Variants in DAAM1 observed in about 807,000 individuals in gnomAD.
DAAM1 encodes the protein disheveled-associated activator of morphogenesis 1.
Under a neutral mutation model 130.0 loss-of-function variants are expected in DAAM1, and 52 were observed. The observed-to-expected ratio is 0.40, with a 90% CI of 0.32 to 0.50. DAAM1 has a LOEUF of 0.50. DAAM1 is among the 20% of genes least tolerant of loss of function. The pLI is 0.61. For missense variants in DAAM1, 1,134 were observed against 1,303.8 expected (o/e 0.87, Z 2.01); for synonymous variants, 452 against 444.5 (o/e 1.02, Z -0.21).
chr14:59,228,512 T>G (rs1019055643), intron 1 of DAAM1, among the ~76,000 whole-genome samples: 1 of 152,252 alleles, frequency 6.6e-6, no homozygotes, highest in African/African-American at 2.4e-5. Flanking sequence ...GAAATTCACT[T>G]AACTCCAACT....
chr14:59,317,666 G>A (rs72726372), intron 4 of DAAM1, among the ~76,000 whole-genome samples: 2,931 of 152,222 alleles, frequency 0.019, 49 homozygotes, highest in Non-Finnish European at 0.029. Flanking sequence ...TGTTGTTTGC[G>A]GTCCCACCAG....
At chr14:59,233,367 A>G (rs889359367) in intron 1 of DAAM1, among the ~76,000 whole-genome samples, 3 of 152,052 alleles carry the variant, frequency 2.0e-5, no homozygotes, top group Admixed American at 2.0e-4. Flanking sequence ...TGTGGGTTTG[A>G]TTTGCATTTC....
At chr14:59,220,296 A>G (rs1888729582) in intron 1 of DAAM1, among the ~76,000 whole-genome samples, 1 of 152,210 alleles carries the variant, frequency 6.6e-6, no homozygotes, top group South Asian at 2.1e-4. Context: ...TTTGTTACCT[A>G]TACTTAACCT....
In DAAM1 at chr14:59,256,452, A is replaced by T. The variant is rs76186053; in HGVS notation, c.-37-6989A>T. On this transcript the variant is annotated intron_variant, in intron 1 of 24. Transcript: ENST00000360909. Reference sequence around the variant, plus strand: ...GGATTGGATTTCTTACTCTTTGCTAAGGAAAATGCACCTGCTCCAGAATCT... The same window carrying T: ...GGATTGGATTTCTTACTCTTTGCTATGGAAAATGCACCTGCTCCAGAATCT... 3.9e-3 allele frequency among the ~76,000 whole-genome samples: 597 copies of T among 152,302 alleles called. 5 individuals are homozygous for T. Among genetic ancestry groups the T allele is most frequent in the Non-Finnish European group, 5.0e-3 (340 of 68,008 alleles).
At chr14:59,274,103 T>G (rs1882845941) in intron 2 of DAAM1, among the ~76,000 whole-genome samples, 1 of 152,198 alleles carries the variant, frequency 6.6e-6, no homozygotes, top group South Asian at 2.1e-4. Context: ...TTCGGGCTTA[T>G]GGGTGAAGAG....
intron 1 of DAAM1, among the ~76,000 whole-genome samples, chr14:59,212,135 T>C (rs754749618): frequency 6.6e-6 from 1 of 152,210 alleles, no homozygotes; most frequent in African/African-American, 2.4e-5. Context: ...CATCATTAAT[T>C]TTTACCATGA....
At chr14:59,325,138 C>T (rs1294861191) in intron 8 of DAAM1, among the ~76,000 whole-genome samples, 1 of 152,180 alleles carries the variant, frequency 6.6e-6, no homozygotes, top group Non-Finnish European at 1.5e-5. Context: ...GGAGAGAGAC[C>T]TGTTCTAACC....
chr14:59,290,138 A>G (rs530005429), intron 2 of DAAM1, among the ~76,000 whole-genome samples: 3 of 152,144 alleles, frequency 2.0e-5, no homozygotes, highest in South Asian at 2.1e-4. Flanking sequence ...GTAAAAGTAG[A>G]AAAAAAATAA....
rs191824888 is a variant in DAAM1 at position 59,310,393 on chromosome 14, A to G, written c.274-4887A>G. Reference sequence around the variant, plus strand: ...AGTGATCCACCCACCTCAGTCTCCCAAAGTGCTGGGATTACAGGTGTGAGC... The same window carrying G: ...AGTGATCCACCCACCTCAGTCTCCCGAAGTGCTGGGATTACAGGTGTGAGC... On this transcript the variant is annotated intron_variant, in intron 3 of 24. Transcript: ENST00000360909. Among the ~76,000 whole-genome samples the G allele has an allele frequency of 4.8e-3, 732 of 152,228 alleles. 9 individuals carry two copies. Among genetic ancestry groups the G allele is most frequent in the African/African-American group, 0.016 (679 of 41,522 alleles).
chr14:59,258,956 G>A (rs1882038113), intron 1 of DAAM1, among the ~76,000 whole-genome samples: 1 of 152,124 alleles, frequency 6.6e-6, no homozygotes, highest in Admixed American at 6.5e-5. Context: ...ACCCATCTCC[G>A]AAACTAGCCA....
chr14:59,352,576 T>C lies in DAAM1; in HGVS notation c.2211T>C (p.His737=). Residue 737 remains histidine (H), a synonymous_variant, in exon 18 of 25, where the codon CAT becomes CAC. Coordinates refer to ENST00000360909, the MANE Select transcript of DAAM1 (RefSeq NM_001270520.2). ...GTGACATTGACCTATTGGAGGAACATAAACACGAACTGGATCGGATGGCCA... is the reference window on the plus strand; with the variant it reads ...GTGACATTGACCTATTGGAGGAACACAAACACGAACTGGATCGGATGGCCA... ...EKSDIDLLEE[H]KHELDRMAKA... The C allele has an allele frequency of 6.2e-7, 1 of 1,613,724 alleles. No homozygotes were observed.
chr14:59,197,167 G>T (rs1169077869), intron 1 of DAAM1, among the ~76,000 whole-genome samples: 1 of 152,194 alleles, frequency 6.6e-6, no homozygotes, highest in African/African-American at 2.4e-5. Flanking sequence ...TGATCCGCCC[G>T]ACTCAGCCTC....
At chr14:59,329,650 C>G (rs1159206987) in intron 12 of DAAM1, among the ~76,000 whole-genome samples, 1 of 152,164 alleles carries the variant, frequency 6.6e-6, no homozygotes, top group African/African-American at 2.4e-5. Context: ...AATCCGCAGC[C>G]TAAACTTTGT....
intron 15 of DAAM1, 44 bp from the exon 16 acceptor site, chr14:59,340,030 T>A: frequency 6.4e-7 from 1 of 1,555,826 alleles, no homozygotes; most frequent in African/African-American, 1.4e-5. Context: ...GAAGTCTGAA[T>A]GTCCCTGTTG....
In DAAM1 at chr14:59,368,916, A is replaced by G. The variant is rs1464691004; in HGVS notation, c.*57A>G. 1 of 1,524,286 alleles carries G rather than the reference A, an allele frequency of 6.6e-7. No individual in the cohort carries two copies. The highest frequency in any genetic ancestry group is 8.9e-7 in the Non-Finnish European group (1 of 1,120,636). 94.4% of individuals were successfully genotyped at this position (1,524,286 alleles called of 1,614,324 possible). ...ATTAGCAGCCCTCTAAAGTGACTAG[A>G]ACGTTTCATTACACTGCCTTGCAAT... is the stretch of plus-strand genomic sequence containing the variant. On this transcript the variant is annotated 3_prime_UTR_variant, in exon 25 of 25. Transcript: ENST00000360909.
At chr14:59,346,753 TATTTTAC>T (rs1886096762) in intron 16 of DAAM1, among the ~76,000 whole-genome samples, 1 of 152,238 alleles carries the variant, frequency 6.6e-6, no homozygotes, top group Non-Finnish European at 1.5e-5. Flanking sequence ...TTATATTTTA[TATTTTAC>T]AGTCAATACT....
intron 3 of DAAM1, among the ~76,000 whole-genome samples, chr14:59,300,770 T>C (rs533840656): frequency 2.0e-5 from 3 of 152,336 alleles, no homozygotes; most frequent in Non-Finnish European, 4.4e-5. Flanking sequence ...CCTAACTCCA[T>C]GCGCATTTAT....
intron 2 of DAAM1, among the ~76,000 whole-genome samples, chr14:59,266,499 T>G (rs920337295): frequency 3.3e-5 from 5 of 152,262 alleles, no homozygotes; most frequent in Admixed American, 6.5e-5. Context: ...TATTGATGTC[T>G]CCATTCTGTG....
intron 3 of DAAM1, among the ~76,000 whole-genome samples, chr14:59,303,425 T>A (rs951892199): frequency 1.3e-5 from 2 of 152,220 alleles, no homozygotes; most frequent in Non-Finnish European, 2.9e-5. Flanking sequence ...GCTAGAGTGA[T>A]GCATACCTTT....
Sources: allele counts gnomAD v4.1 joint callset (sites outside exome capture counted in the v4.1 genomes callset), GRCh38; gene constraint gnomAD v4.1.1; transcripts MANE v1.5; gene names NCBI Gene and HGNC (gene_info 2026-07-23, HGNC 2026-07-21).